The following WHRN variants were observed in gnomAD, a reference collection of about 807,000 sequenced individuals.
WHRN encodes the protein whirlin, also known as CASK-interacting protein CIP98.
A neutral mutation model predicts 68.3 loss-of-function variants in WHRN; 41 were observed. The observed-to-expected ratio is 0.60, with a 90% CI of 0.47 to 0.78. The LOEUF is 0.78. WHRN is among the 30% of genes least tolerant of loss of function. The pLI, the probability that WHRN is intolerant of heterozygous loss-of-function variation, is 0.00. For missense variants in WHRN, 1,243 were observed against 1,244.7 expected, an observed-to-expected ratio of 1.00 and a Z score of 0.02; for synonymous variants, 560 against 561.3, an observed-to-expected ratio of 1.00 and a Z score of 0.03.
chr9:114,416,562 T>A (rs1021948455), intron 7 of WHRN, among the ~76,000 whole-genome samples: 8 of 152,172 alleles, frequency 5.3e-5, no homozygotes, highest in Admixed American at 6.5e-5. Context: ...TCCAGCCATG[T>A]AAGATGTGCC....
intron 3 of WHRN, among the ~76,000 whole-genome samples, chr9:114,434,682 T>G (rs1471943759): frequency 6.6e-6 from 1 of 152,222 alleles, no homozygotes; most frequent in Non-Finnish European, 1.5e-5. Context: ...CCAGCTGTCC[T>G]TGTCTCTCAC....
intron 7 of WHRN, 22 bp downstream of exon 7, chr9:114,423,292 G>A (rs1379203797): frequency 6.2e-7 from 1 of 1,613,258 alleles, no homozygotes; most frequent in South Asian, 1.1e-5. Context: ...ACTAAGCCAG[G>A]GACAAGGCAG....
Position 114,406,350 on chromosome 9 carries a change from C to T in WHRN, c.2236+5G>A. On this transcript the variant is annotated splice_donor_5th_base_variant and intron_variant, in intron 9 of 11. Coordinates refer to ENST00000362057, the MANE Select transcript of WHRN (RefSeq NM_015404.4). Reference sequence around the variant, plus strand: ...GACCACAGAGCCTGGCCTTGCTGTACTCACTGCGCGTCTGGGGCAGCGCCC... The same window carrying T: ...GACCACAGAGCCTGGCCTTGCTGTATTCACTGCGCGTCTGGGGCAGCGCCC... 6.2e-7 allele frequency: 1 copy of T among 1,614,038 alleles called. No homozygotes were observed. The highest frequency in any genetic ancestry group is 8.5e-7 in the Non-Finnish European group (1 of 1,180,042).
intron 3 of WHRN, among the ~76,000 whole-genome samples, chr9:114,465,705 A>G (rs1435768697): frequency 2.0e-5 from 3 of 152,068 alleles, no homozygotes; most frequent in Non-Finnish European, 4.4e-5. Flanking sequence ...TCTGCAACCC[A>G]CCAGTTGTGT....
rs375934001 is a variant in WHRN, at chr9:114,478,627, C to T, written c.763G>A (p.Gly255Ser). 69 of 1,613,934 alleles carry T rather than the reference C, an allele frequency of 4.3e-5. No homozygotes were observed. The highest frequency in any genetic ancestry group is 1.6e-4 in the East Asian group (7 of 44,874). ...SPPSGLPQPH[G>S]GALRQQEGDR... is the part of the protein sequence containing the mutation. The stretch of plus-strand genomic sequence containing the variant: ...CCCTCCTGCTGCCTCAGGGCACCAC[C>T]GTGGGGCTGGGGCAGGCCCGAGGGT... The change falls in exon 2 of 12, where the codon GGT becomes AGT. Residue 255 changes from glycine to serine, a missense_variant. Gly to Ser is a moderately conservative substitution (Grantham distance 56). Coordinates refer to ENST00000362057, the MANE Select transcript of WHRN (RefSeq NM_015404.4).
intron 2 of WHRN, among the ~76,000 whole-genome samples, chr9:114,475,398 G>A (rs1008062914): frequency 6.6e-6 from 1 of 152,146 alleles, no homozygotes; most frequent in Non-Finnish European, 1.5e-5. Flanking sequence ...GAGCAGCCAC[G>A]TCTGACTCCC....
chr9:114,421,287 C>T (rs1156391817), intron 7 of WHRN, among the ~76,000 whole-genome samples: 1 of 152,168 alleles, frequency 6.6e-6, no homozygotes, highest in Non-Finnish European at 1.5e-5. Context: ...TAGGGGAGAG[C>T]CCCCTGAGCT....
chr9:114,441,204 T>G (rs898607630), intron 3 of WHRN, among the ~76,000 whole-genome samples: 1 of 152,220 alleles, frequency 6.6e-6, no homozygotes, highest in African/African-American at 2.4e-5. Context: ...ACATACAATA[T>G]ATGTGTTAAT....
intron 3 of WHRN, among the ~76,000 whole-genome samples, chr9:114,465,075 A>T (rs1454339321): frequency 1.3e-5 from 2 of 152,198 alleles, no homozygotes; most frequent in Admixed American, 6.5e-5. Context: ...AAGATCACAC[A>T]GCTATGAAAG....
At chr9:114,477,767 G>A (rs572243843) in intron 2 of WHRN, among the ~76,000 whole-genome samples, 2 of 152,278 alleles carry the variant, frequency 1.3e-5, no homozygotes, top group East Asian at 1.9e-4. Flanking sequence ...TCCCTGCTCT[G>A]TAAAATGGCC....
intron 1 of WHRN, among the ~76,000 whole-genome samples, chr9:114,485,173 G>A (rs986830184): frequency 1.3e-5 from 2 of 152,196 alleles, no homozygotes; most frequent in Non-Finnish European, 2.9e-5. Context: ...TTCTCTTTTC[G>A]GAAACAGAGA....
rs1840684769 is a variant in WHRN, at chr9:114,466,290, C to T, written c.940G>A (p.Glu314Lys). Residue 314 changes from glutamate (E) to lysine (K), a missense_variant, in exon 3 of 12, where the codon GAA becomes AAA. Physicochemically the swap from Glu to Lys is moderately conservative, Grantham distance 56. Coordinates refer to ENST00000362057, the MANE Select transcript of WHRN (RefSeq NM_015404.4). ...ACCTTGAGCCCGCTGCCTTCTGCTTCAGAGCCTGGGTCCACGCCAGTGATG... is the reference window on the plus strand; with the variant it reads ...ACCTTGAGCCCGCTGCCTTCTGCTTTAGAGCCTGGGTCCACGCCAGTGATG... ...IYITGVDPGS[E>K]AEGSGLKVGD... 6.2e-7 allele frequency: 1 copy of T among 1,613,994 alleles called. No homozygotes were observed. Among genetic ancestry groups the T allele is most frequent in the Non-Finnish European group, 8.5e-7 (1 of 1,180,042 alleles).
chr9:114,430,587 C>G (rs1348794303), intron 3 of WHRN, among the ~76,000 whole-genome samples: 1 of 152,114 alleles, frequency 6.6e-6, no homozygotes, highest in African/African-American at 2.4e-5. Context: ...CAGGAATTAC[C>G]CAGCATCCCA....
chr9:114,480,739 C>T (rs143411755), intron 1 of WHRN, among the ~76,000 whole-genome samples: 7 of 152,224 alleles, frequency 4.6e-5, no homozygotes, highest in Middle Eastern at 3.4e-3. Context: ...CATTGAAATC[C>T]TATTTACAAA....
At chr9:114,489,967 T>C (rs1359379664) in intron 1 of WHRN, among the ~76,000 whole-genome samples, 1 of 152,224 alleles carries the variant, frequency 6.6e-6, no homozygotes, top group East Asian at 1.9e-4. Flanking sequence ...TATATTATTT[T>C]GGAATGATGA....
chr9:114,443,255 T>C (rs1838536505), intron 3 of WHRN, among the ~76,000 whole-genome samples: 1 of 152,210 alleles, frequency 6.6e-6, no homozygotes, highest in Non-Finnish European at 1.5e-5. Flanking sequence ...CACCACAAAC[T>C]CAGTGGTTTA....
chr9:114,499,627 T>C (rs949382343), intron 1 of WHRN, among the ~76,000 whole-genome samples: 1 of 152,212 alleles, frequency 6.6e-6, no homozygotes, highest in African/African-American at 2.4e-5. Flanking sequence ...GGGGGGATTA[T>C]GACTCTGAGG....
At chr9:114,465,679 T>G (rs1012212881) in intron 3 of WHRN, among the ~76,000 whole-genome samples, 5 of 152,180 alleles carry the variant, frequency 3.3e-5, no homozygotes, top group African/African-American at 1.2e-4. Flanking sequence ...TCAGACTGCC[T>G]AAGTTCAAAG....
intron 8 of WHRN, among the ~76,000 whole-genome samples, chr9:114,407,610 C>T (rs572858249): frequency 2.6e-5 from 4 of 152,284 alleles, no homozygotes; most frequent in East Asian, 1.9e-4. Context: ...CTCCATGCCA[C>T]GAACTTATGG....
Sources: gnomAD v4.1 joint callset for allele counts (sites outside exome capture counted in the v4.1 genomes callset) on GRCh38, gnomAD v4.1.1 for gene constraint, MANE v1.5 for transcripts, NCBI Gene and HGNC (gene_info 2026-07-23, HGNC 2026-07-21) for gene names.